The following ANKRD17 variants were observed in gnomAD, a reference collection of about 807,000 sequenced individuals.
ANKRD17 encodes the protein ankyrin repeat domain 17, also known as ankyrin repeat domain-containing protein 17.
A neutral mutation model predicts 229.7 loss-of-function variants in ANKRD17; 19 were observed. That is an observed-to-expected ratio of 0.08 (90% CI 0.06 to 0.12). The LOEUF is 0.12. ANKRD17 is among the 10% of genes least tolerant of loss of function. The pLI, the probability that ANKRD17 is intolerant of heterozygous loss-of-function variation, is 1.00. For missense variants in ANKRD17, 2,176 were observed against 3,176.8 expected, an observed-to-expected ratio of 0.68 and a Z score of 7.57; for synonymous variants, 1,112 against 1,146.1, an observed-to-expected ratio of 0.97 and a Z score of 0.60.
At chr4:73,228,441 T>A (rs558067024) in intron 1 of ANKRD17, among the ~76,000 whole-genome samples, 2 of 152,180 alleles carry the variant, frequency 1.3e-5, no homozygotes, top group Non-Finnish European at 2.9e-5. Flanking sequence ...TTAACTATGA[T>A]TTTTATGTAA....
At chr4:73,238,546 C>T (rs1187782265) in intron 1 of ANKRD17, among the ~76,000 whole-genome samples, 1 of 152,154 alleles carries the variant, frequency 6.6e-6, no homozygotes, top group African/African-American at 2.4e-5. Context: ...GCAGTATTAA[C>T]TAGCTACATT....
At chr4:73,175,715 C>G (rs1734647997) in intron 2 of ANKRD17, among the ~76,000 whole-genome samples, 1 of 152,094 alleles carries the variant, frequency 6.6e-6, no homozygotes, top group Non-Finnish European at 1.5e-5. Context: ...AAAGAACAGT[C>G]TCTTCAATAA....
rs532978859 is a variant in ANKRD17, at chr4:73,114,251, T to TACTC, written c.4285-344_4285-343insGAGT. ...TGGCTGGTTAACAGGCTAAAGGAAA[T>TACTC]AATGTCAACAAAGAAAACAGATGTG... On this transcript the variant is annotated intron_variant, in intron 23 of 33. Coordinates refer to ENST00000358602, the MANE Select transcript of ANKRD17 (RefSeq NM_032217.5). Among the ~76,000 whole-genome samples the TACTC allele has an allele frequency of 1.5e-3, 222 of 152,258 alleles. 1 individual carries two copies. In the South Asian group the frequency reaches 0.016, roughly 11 times the overall value.
At chr4:73,135,356 A>C in intron 15 of ANKRD17, 91 bp from the exon 16 acceptor site, 2 of 1,275,714 alleles carry the variant, frequency 1.6e-6, no homozygotes, top group Non-Finnish European at 2.2e-6. Context: ...AAGACTTCTT[A>C]AAACAATATG....
At chr4:73,152,182 A>G (rs1731081953) in intron 6 of ANKRD17, among the ~76,000 whole-genome samples, 1 of 152,224 alleles carries the variant, frequency 6.6e-6, no homozygotes, top group Admixed American at 6.5e-5. Flanking sequence ...TGCAAAAAAC[A>G]ATAGAAAAAT....
At chr4:73,147,968 G>C (rs1349261223) in intron 8 of ANKRD17, among the ~76,000 whole-genome samples, 1 of 151,962 alleles carries the variant, frequency 6.6e-6, no homozygotes, top group African/African-American at 2.4e-5. Flanking sequence ...CACTTAACAG[G>C]CACTACATGA....
chr4:73,085,557 A>G, intron 29 of ANKRD17, 111 bp from the exon 30 acceptor site: 2 of 995,908 alleles, frequency 2.0e-6, no homozygotes, highest in Non-Finnish European at 2.9e-6. Flanking sequence ...TAGATAATTA[A>G]AAAAATCCCG....
chr4:73,158,651 A>T (rs1328688825), intron 3 of ANKRD17, among the ~76,000 whole-genome samples: 1 of 152,226 alleles, frequency 6.6e-6, no homozygotes, highest in East Asian at 1.9e-4. Context: ...GGCAATACTG[A>T]TAGGTAAGGC....
chr4:73,079,255 A>G (rs1306003209), intron 30 of ANKRD17, among the ~76,000 whole-genome samples: 2 of 152,240 alleles, frequency 1.3e-5, no homozygotes, highest in Non-Finnish European at 2.9e-5. Flanking sequence ...TGTAGTGGCA[A>G]TCTCCAAACT....
Position 73,258,333 on chromosome 4 carries a change from G to C in ANKRD17, c.336C>G (p.Ser112Arg). 1 of 1,613,360 alleles carries C rather than the reference G, an allele frequency of 6.2e-7. No individual in the cohort carries two copies. The highest frequency in any genetic ancestry group is 8.5e-7 in the Non-Finnish European group (1 of 1,179,936). Reference protein sequence around the residue: ...GGGGGGGGGTSSNNSEEEEDD... With the variant: ...GGGGGGGGGTRSNNSEEEEDD... ...CCTCTTCTTCCTCGCTGTTGTTACT[G>C]CTGGTGCCGCCGCCGCCACCTCCGC... The change falls in exon 1 of 34, where the codon AGC becomes AGG. Residue 112 changes from serine to arginine, a missense_variant. Transcript: ENST00000358602.
At position 73,139,465 on chromosome 4, in the gene ANKRD17, T is replaced by G. The variant is rs756022216; in HGVS notation, c.3085+66A>C. The G allele has an allele frequency of 9.2e-6, 14 of 1,521,110 alleles. No individual in the cohort carries two copies. The African/African-American group carries it at 1.8e-4, about 20-fold the overall frequency. The allele number at this position is 1,521,110 out of a possible 1,614,324, so 94.2% of individuals were successfully genotyped here. A position where few individuals can be genotyped will look rare whatever the true frequency, so the allele number is the denominator to read the frequency against. On this transcript the variant is annotated intron_variant, in intron 15 of 33. Coordinates refer to ENST00000358602, the MANE Select transcript of ANKRD17 (RefSeq NM_032217.5). ...TCAAGTTGGGTAACGGCAAAAAATT[T>G]GGGTACATTCTTACTCGCCTTAAGC... is the stretch of plus-strand genomic sequence containing the variant.
chr4:73,135,467 AAAT>A (rs1267777103), intron 15 of ANKRD17, among the ~76,000 whole-genome samples: 16 of 152,326 alleles, frequency 1.1e-4, no homozygotes, highest in African/African-American at 3.8e-4. Flanking sequence ...CTCATTTTCT[AAAT>A]AATAATCCAA....
chr4:73,163,363 A>G (rs1270324782), intron 2 of ANKRD17, among the ~76,000 whole-genome samples: 1 of 152,208 alleles, frequency 6.6e-6, no homozygotes, highest in Admixed American at 6.5e-5. Context: ...ACTGAATAGA[A>G]GCACTGCTAT....
chr4:73,179,488 GTATA>G (rs1169079744), intron 1 of ANKRD17, among the ~76,000 whole-genome samples: 47 of 48,218 alleles, frequency 9.7e-4, no homozygotes, highest in South Asian at 2.3e-3. Context: ...GTGTGTGTGT[GTATA>G]TATATATATA....
intron 1 of ANKRD17, among the ~76,000 whole-genome samples, chr4:73,217,240 A>T (rs1160505844): frequency 6.6e-6 from 1 of 152,172 alleles, no homozygotes; most frequent in Non-Finnish European, 1.5e-5. Context: ...TGATTCACAT[A>T]CTTCTAGTTA....
chr4:73,213,241 G>A (rs532804446), intron 1 of ANKRD17, among the ~76,000 whole-genome samples: 1 of 152,246 alleles, frequency 6.6e-6, no homozygotes, highest in African/African-American at 2.4e-5. Context: ...ACAGATTCAA[G>A]GTTAGAACCA....
At chr4:73,094,274 A>C in intron 27 of ANKRD17, 46 bp from the exon 28 acceptor site, 1 of 1,515,316 alleles carries the variant, frequency 6.6e-7, no homozygotes, top group Non-Finnish European at 9.1e-7. Flanking sequence ...CATTAACAAT[A>C]GTTATTGTAA....
rs532209862 is a variant in ANKRD17, at chr4:73,168,107, C to T, written c.548-6759G>A. 1.5e-3 allele frequency among the ~76,000 whole-genome samples: 223 copies of T among 149,836 alleles called. 1 individual carries two copies. Among genetic ancestry groups the T allele is most frequent in the African/African-American group, 4.9e-3 (200 of 40,514 alleles). On this transcript the variant is annotated intron_variant, in intron 2 of 33. Transcript: ENST00000358602. Reference sequence around the variant, plus strand: ...GGCGGAGCTTGCAGTGAGCCAAGATCCCACCACTGTACTCCAGCCTGGGGG... The same window carrying T: ...GGCGGAGCTTGCAGTGAGCCAAGATTCCACCACTGTACTCCAGCCTGGGGG...
intron 1 of ANKRD17, among the ~76,000 whole-genome samples, chr4:73,231,822 C>T (rs772228701): frequency 1.3e-5 from 2 of 152,148 alleles, no homozygotes; most frequent in South Asian, 2.1e-4. Context: ...CGATCCCCAA[C>T]GGCTGATAGT....
Sources: gnomAD v4.1 joint callset for allele counts (sites outside exome capture counted in the v4.1 genomes callset) on GRCh38, gnomAD v4.1.1 for gene constraint, MANE v1.5 for transcripts, NCBI Gene and HGNC (gene_info 2026-07-23, HGNC 2026-07-21) for gene names.